ROBO1: variants seen among roughly 807,000 people sequenced by gnomAD.
ROBO1 encodes roundabout guidance receptor 1.
In ROBO1, 149 loss-of-function variants were observed where a neutral mutation model predicts 195.9. That is an observed-to-expected ratio of 0.76 (90% CI 0.67 to 0.87). ROBO1 has a LOEUF of 0.87. Ranked by LOEUF, ROBO1 falls within the 40% of genes least tolerant of loss-of-function variation. The pLI is 0.00. For synonymous variants in ROBO1, 816 were observed against 733.2 expected (o/e 1.11, Z -1.82); for missense variants, 1,933 against 2,068.3 (o/e 0.93, Z 1.27).
chr3:79,179,893 C>A (rs1420887978), intron 2 of ROBO1, among the ~76,000 whole-genome samples: 1 of 152,110 alleles, frequency 6.6e-6, no homozygotes, highest in African/African-American at 2.4e-5. Flanking sequence ...TAGTTGCTTG[C>A]AGAGATTGTA....
At chr3:79,205,083 C>T (rs564209691) in intron 2 of ROBO1, among the ~76,000 whole-genome samples, 1 of 152,216 alleles carries the variant, frequency 6.6e-6, no homozygotes, top group African/African-American at 2.4e-5. Context: ...ACCTCTACCT[C>T]CCAGGTTCAA....
At chr3:78,691,899 C>T (rs979012855) in intron 8 of ROBO1, among the ~76,000 whole-genome samples, 3 of 152,152 alleles carry the variant, frequency 2.0e-5, no homozygotes, top group Middle Eastern at 3.4e-3. Context: ...GATTTTCTTT[C>T]TGATTTCTAA....
At chr3:79,767,499 A>G (rs904916908) in intron 1 of ROBO1, among the ~76,000 whole-genome samples, 11 of 152,170 alleles carry the variant, frequency 7.2e-5, no homozygotes, top group African/African-American at 2.7e-4. Flanking sequence ...AGGAAGAAAC[A>G]AACATCGCAT....
At chr3:79,123,280 C>T (rs2080154487) in intron 3 of ROBO1, among the ~76,000 whole-genome samples, 1 of 151,934 alleles carries the variant, frequency 6.6e-6, no homozygotes, top group Non-Finnish European at 1.5e-5. Flanking sequence ...GTTCTATCTA[C>T]TCAATTATCT....
At chr3:79,272,502 G>C (rs1472696112) in intron 2 of ROBO1, among the ~76,000 whole-genome samples, 6 of 152,060 alleles carry the variant, frequency 3.9e-5, no homozygotes, top group Non-Finnish European at 5.9e-5. Context: ...ATTAAGGAAA[G>C]AGGCACTGAA....
In ROBO1 at chr3:79,207,786, G is replaced by GAAA. The variant is rs34624794; in HGVS notation, c.89-82250_89-82248dup. ...GATTGAATTGGTGACCTTTAAAACT[G>GAAA]AAAAAAAAAAAAAAAATCCATCGAC... On this transcript the variant is annotated intron_variant, in intron 2 of 30. Transcript: ENST00000464233. Among the ~76,000 whole-genome samples the GAAA allele has an allele frequency of 5.7e-4, 66 of 116,712 alleles. 1 individual carries two copies. The highest frequency in any genetic ancestry group is 4.5e-3 in the Middle Eastern group (1 of 220). The allele number at this position is 116,712 out of a possible 152,430, so 76.6% of individuals were successfully genotyped here. A position where few individuals can be genotyped will look rare whatever the true frequency, so the allele number is the denominator to read the frequency against.
intron 3 of ROBO1, among the ~76,000 whole-genome samples, chr3:79,074,493 A>C: frequency 6.6e-6 from 1 of 151,774 alleles, no homozygotes; most frequent in Non-Finnish European, 1.5e-5. Flanking sequence ...ATCATAGCTC[A>C]CTGTAGCCTT....
intron 2 of ROBO1, among the ~76,000 whole-genome samples, chr3:79,266,147 A>G (rs2029924352): frequency 6.6e-6 from 1 of 151,550 alleles, no homozygotes; most frequent in South Asian, 2.1e-4. Flanking sequence ...CTTTTCTTGG[A>G]AGATTCCCAC....
chr3:78,873,863 A>G (rs1205126781), intron 4 of ROBO1, among the ~76,000 whole-genome samples: 1 of 152,116 alleles, frequency 6.6e-6, no homozygotes, highest in Non-Finnish European at 1.5e-5. Context: ...CAGCAATACT[A>G]TGACTAATAT....
Position 78,967,673 on chromosome 3 carries a change from T to C in ROBO1, c.173-28746A>G, listed in dbSNP as rs369474118. Among the ~76,000 whole-genome samples the C allele has an allele frequency of 2.0e-5, 3 of 152,180 alleles. No individual in the cohort carries two copies. The South Asian group carries it at 6.2e-4, about 31-fold the overall frequency. ...CTATAGCTGTAGGGCCGGTCCCTTA[T>C]TTTTAGTATTTTTTAATTTTAAAAT... On this transcript the variant is annotated intron_variant, in intron 3 of 30. Transcript: ENST00000464233.
At chr3:79,746,123 A>T (rs1703865647) in intron 1 of ROBO1, among the ~76,000 whole-genome samples, 1 of 152,052 alleles carries the variant, frequency 6.6e-6, no homozygotes, top group Non-Finnish European at 1.5e-5. Flanking sequence ...ACTTGGAATC[A>T]TTCTTTTTAG....
chr3:78,877,776 CAT>C (rs1460257866), intron 4 of ROBO1, among the ~76,000 whole-genome samples: 18 of 152,194 alleles, frequency 1.2e-4, no homozygotes, highest in African/African-American at 4.3e-4. Flanking sequence ...TTAAAAGTAA[CAT>C]ATTCATGGAG....
intron 2 of ROBO1, among the ~76,000 whole-genome samples, chr3:79,560,682 G>A (rs1308361087): frequency 6.6e-6 from 1 of 151,286 alleles, no homozygotes; most frequent in Non-Finnish European, 1.5e-5. Flanking sequence ...ACAGGATTAG[G>A]CATTAGAATT....
rs113852596 is a variant in ROBO1 at position 79,022,049 on chromosome 3, C to T, written c.173-83122G>A. Among the ~76,000 whole-genome samples the T allele has an allele frequency of 6.2e-4, 94 of 152,282 alleles. 1 individual carries two copies. The highest frequency in any genetic ancestry group is 2.1e-3 in the African/African-American group (89 of 41,562). On this transcript the variant is annotated intron_variant, in intron 3 of 30. Transcript: ENST00000464233. ...GCCCCCTGATGAAGACTATCATCAC[C>T]AACTCATATGTGTTAGTCCTTTCTT... is the stretch of plus-strand genomic sequence containing the variant.
chr3:79,050,997 G>A (rs2078685980), intron 3 of ROBO1, among the ~76,000 whole-genome samples: 1 of 152,088 alleles, frequency 6.6e-6, no homozygotes, highest in African/African-American at 2.4e-5. Context: ...ACAATTAAAA[G>A]AACTGAGAAG....
intron 3 of ROBO1, among the ~76,000 whole-genome samples, chr3:78,992,256 C>A (rs990613138): frequency 6.6e-6 from 1 of 152,102 alleles, no homozygotes; most frequent in Admixed American, 6.6e-5. Flanking sequence ...ATCCTGGATC[C>A]TGGTGTAGAT....
intron 2 of ROBO1, among the ~76,000 whole-genome samples, chr3:79,282,231 C>A (rs896048030): frequency 1.2e-4 from 19 of 152,042 alleles, no homozygotes; most frequent in African/African-American, 4.3e-4. Flanking sequence ...TTTGAAGATA[C>A]TGTAAAGGTG....
chr3:79,689,354 T>C (rs1947232807), intron 1 of ROBO1, among the ~76,000 whole-genome samples: 1 of 152,050 alleles, frequency 6.6e-6, no homozygotes, highest in Non-Finnish European at 1.5e-5. Context: ...TTTGGAACCT[T>C]AGAAACAAAC....
chr3:79,539,099 T>C (rs945482902), intron 2 of ROBO1, among the ~76,000 whole-genome samples: 11 of 152,158 alleles, frequency 7.2e-5, no homozygotes, highest in African/African-American at 2.7e-4. Flanking sequence ...GAAAATCCCA[T>C]AGGTTCCCAA....
Sources: allele counts gnomAD v4.1 joint callset (sites outside exome capture counted in the v4.1 genomes callset), GRCh38; gene constraint gnomAD v4.1.1; transcripts MANE v1.5; gene names NCBI Gene and HGNC (gene_info 2026-07-23, HGNC 2026-07-21).